The following MBD5 variants were observed in gnomAD, a reference collection of about 807,000 sequenced individuals.
MBD5 encodes the protein methyl-CpG binding domain protein 5.
MBD5 carries 13 observed loss-of-function variants against 117.3 expected under a neutral mutation model. The observed-to-expected ratio is 0.11, with a 90% CI of 0.07 to 0.18. The LOEUF (loss-of-function observed/expected upper bound fraction) is 0.18, where lower values mean the gene tolerates loss of function less well. Among genes scored for constraint, MBD5 ranks in the 10% least tolerant of loss-of-function variants. MBD5 has a pLI of 1.00. For missense variants in MBD5, 1,879 were observed against 2,093.8 expected, an observed-to-expected ratio of 0.90 and a Z score of 2.00; for synonymous variants, 727 against 766.4, an observed-to-expected ratio of 0.95 and a Z score of 0.85.
chr2:148,067,034 CAGTA>C (rs1327961466), intron 1 of MBD5, among the ~76,000 whole-genome samples: 2 of 152,118 alleles, frequency 1.3e-5, no homozygotes, highest in Non-Finnish European at 2.9e-5. Flanking sequence ...TAGAGATATT[CAGTA>C]AGTATTTGTT....
At chr2:148,088,658 T>C (rs777731581) in intron 1 of MBD5, among the ~76,000 whole-genome samples, 3 of 152,110 alleles carry the variant, frequency 2.0e-5, no homozygotes, top group Non-Finnish European at 4.4e-5. Flanking sequence ...AAACAAATAC[T>C]GAGAGAATTT....
intron 3 of MBD5, among the ~76,000 whole-genome samples, chr2:148,317,008 C>A (rs1347791276): frequency 1.3e-5 from 2 of 152,086 alleles, no homozygotes; most frequent in Non-Finnish European, 2.9e-5. Context: ...AAAGCATAGA[C>A]AATTTTCTTC....
chr2:148,466,389 A>C (rs1276934105), intron 7 of MBD5, among the ~76,000 whole-genome samples: 1 of 152,172 alleles, frequency 6.6e-6, no homozygotes, highest in African/African-American at 2.4e-5. Flanking sequence ...GTTTGGAAGA[A>C]ATTTTTTCTG....
intron 3 of MBD5, among the ~76,000 whole-genome samples, chr2:148,258,380 G>T (rs936388141): frequency 4.6e-5 from 7 of 152,076 alleles, no homozygotes; most frequent in African/African-American, 1.7e-4. Flanking sequence ...AAGCAGGTTT[G>T]CCCAGAAACT....
chr2:148,230,044 C>G (rs1455037731), intron 2 of MBD5, among the ~76,000 whole-genome samples: 1 of 152,186 alleles, frequency 6.6e-6, no homozygotes, highest in Non-Finnish European at 1.5e-5. Context: ...GCTGTAACCA[C>G]TCCTGGGCTT....
At chr2:148,471,496 T>A (rs2105653985) in intron 8 of MBD5, 1 of 152,314 alleles carries the variant, frequency 6.6e-6, no homozygotes, top group African/African-American at 2.4e-5. Context: ...CTACTGGGAA[T>A]GAGAAAACTG....
rs143505264 is a variant in MBD5 at position 148,124,055 on chromosome 2, G to A, written c.-924-54645G>A. Among the ~76,000 whole-genome samples the A allele has an allele frequency of 9.1e-3, 1,384 of 152,282 alleles. 14 individuals are homozygous for A. Among genetic ancestry groups the A allele is most frequent in the African/African-American group, 0.031 (1,285 of 41,548 alleles). The stretch of plus-strand genomic sequence containing the variant: ...GCACTTTGGGTGGCCAAGGAAGGTG[G>A]ATCACTTGAGGGCAGGAGTTCGAGA... On this transcript the variant is annotated intron_variant, in intron 1 of 13. Coordinates refer to ENST00000642680, the MANE Select transcript of MBD5 (RefSeq NM_001378120.1).
intron 4 of MBD5, among the ~76,000 whole-genome samples, chr2:148,344,381 C>T (rs775723832): frequency 6.6e-6 from 1 of 151,932 alleles, no homozygotes; most frequent in Non-Finnish European, 1.5e-5. Flanking sequence ...ATAGCAATAG[C>T]GTTTAATCTG....
intron 7 of MBD5, among the ~76,000 whole-genome samples, chr2:148,465,357 G>C (rs1707228522): frequency 6.6e-6 from 1 of 152,058 alleles, no homozygotes; most frequent in Admixed American, 6.6e-5. Context: ...ATTATACTTT[G>C]GGACTGAGGA....
intron 10 of MBD5, among the ~76,000 whole-genome samples, chr2:148,486,511 T>C (rs1293125530): frequency 6.6e-6 from 1 of 152,168 alleles, no homozygotes; most frequent in East Asian, 1.9e-4. Context: ...AGATAAAAAT[T>C]TAAAATCTCT....
At chr2:148,198,977 T>TTA (rs983774400) in intron 2 of MBD5, among the ~76,000 whole-genome samples, 2 of 151,530 alleles carry the variant, frequency 1.3e-5, no homozygotes, top group African/African-American at 2.4e-5. Context: ...TCTGTGTATA[T>TTA]TATATATATA....
chr2:148,447,202 A>AGAAAGAAAGAAAGAAAGAAAGAAG (rs1706578460), intron 4 of MBD5, among the ~76,000 whole-genome samples: 3 of 11,264 alleles, frequency 2.7e-4, no homozygotes, highest in African/African-American at 3.0e-4. Flanking sequence ...AAAGAAAGAA[A>AGAAAGAAAGAAAGAAAGAAAGAAG]GAAAGAAAGA....
Position 148,078,477 on chromosome 2 carries a change from C to T in MBD5, c.-925+56793C>T, listed in dbSNP as rs1370344561. The stretch of plus-strand genomic sequence containing the variant: ...GTGCTTACTATGGATTACATACAGT[C>T]CACTTCTCCTGGCTATTGACTGTTA... On this transcript the variant is annotated intron_variant, in intron 1 of 13. Coordinates refer to ENST00000642680, the MANE Select transcript of MBD5 (RefSeq NM_001378120.1). Among the ~76,000 whole-genome samples the T allele has an allele frequency of 2.6e-5, 4 of 152,246 alleles. No homozygotes were observed. In the East Asian group the frequency reaches 7.7e-4, roughly 29 times the overall value.
At chr2:148,069,021 T>C (rs1245423477) in intron 1 of MBD5, among the ~76,000 whole-genome samples, 1 of 152,234 alleles carries the variant, frequency 6.6e-6, no homozygotes, top group African/African-American at 2.4e-5. Context: ...ACAGGATTCA[T>C]TCATTTAAAT....
At chr2:148,411,782 C>T (rs893498108) in intron 4 of MBD5, among the ~76,000 whole-genome samples, 2 of 152,030 alleles carry the variant, frequency 1.3e-5, no homozygotes, top group East Asian at 3.9e-4. Context: ...TATTTTCTTG[C>T]ATTCTGTAGG....
intron 2 of MBD5, among the ~76,000 whole-genome samples, chr2:148,183,818 A>G (rs1422932359): frequency 1.3e-5 from 2 of 152,178 alleles, no homozygotes; most frequent in African/African-American, 4.8e-5. Flanking sequence ...GCTTGGAAAT[A>G]TATGTCATCA....
At chr2:148,397,332 T>C in intron 4 of MBD5, among the ~76,000 whole-genome samples, 1 of 115,048 alleles carries the variant, frequency 8.7e-6, no homozygotes, top group African/African-American at 3.7e-5. Context: ...ATCCTTTTTT[T>C]TTTTTTTTTT....
chr2:148,430,520 T>C (rs1705952251), intron 4 of MBD5, among the ~76,000 whole-genome samples: 1 of 152,188 alleles, frequency 6.6e-6, no homozygotes, highest in African/African-American at 2.4e-5. Flanking sequence ...TTAGATCTTG[T>C]ATATCTTCAT....
intron 9 of MBD5, among the ~76,000 whole-genome samples, chr2:148,484,797 T>C (rs1012273315): frequency 2.0e-5 from 3 of 152,182 alleles, no homozygotes; most frequent in Non-Finnish European, 4.4e-5. Flanking sequence ...CAGGTATATT[T>C]AACTGATGGA....
Sources: gnomAD v4.1 joint callset for allele counts (sites outside exome capture counted in the v4.1 genomes callset) on GRCh38, gnomAD v4.1.1 for gene constraint, MANE v1.5 for transcripts, NCBI Gene and HGNC (gene_info 2026-07-23, HGNC 2026-07-21) for gene names.